Variants in CSTPP1 observed in about 807,000 individuals in gnomAD.
CSTPP1 encodes centriolar satellite-associated tubulin polyglutamylase complex regulator 1.
At chr11:47,085,094 G>T in the CSTPP1 span, among the ~76,000 whole-genome samples, 9 of 151,886 alleles carry the variant, frequency 5.9e-5, no homozygotes, top group Non-Finnish European at 1.2e-4. Context: ...ATCCCAGCTA[G>T]TCGGGAGGCT....
chr11:47,029,949 A>G, the CSTPP1 span, among the ~76,000 whole-genome samples: 20 of 151,760 alleles, frequency 1.3e-4, no homozygotes, highest in South Asian at 3.5e-3. Context: ...AAAAAAAAAA[A>G]AAAGAAAGAA....
the CSTPP1 span, among the ~76,000 whole-genome samples, chr11:47,014,971 A>T: frequency 6.6e-6 from 1 of 152,198 alleles, no homozygotes; most frequent in Admixed American, 6.5e-5. Context: ...CATGAGCCAG[A>T]CTGATCACAA....
chr11:47,126,792 C>A, the CSTPP1 span, among the ~76,000 whole-genome samples: 1 of 151,334 alleles, frequency 6.6e-6, no homozygotes, highest in South Asian at 2.1e-4. Flanking sequence ...ATTAGCCAGG[C>A]GTGGTGGTGT....
At chr11:47,023,042 T>C in the CSTPP1 span, among the ~76,000 whole-genome samples, 1 of 152,276 alleles carries the variant, frequency 6.6e-6, no homozygotes, top group Non-Finnish European at 1.5e-5. Context: ...TAGGTCTGGG[T>C]TGGGGCCTCA....
chr11:46,960,729 G>A, the CSTPP1 span, among the ~76,000 whole-genome samples: 2 of 152,166 alleles, frequency 1.3e-5, no homozygotes, highest in Non-Finnish European at 2.9e-5. Context: ...GCGGGTGCCT[G>A]TAATCTCAGC....
chr11:47,153,449 A>C, the CSTPP1 span, among the ~76,000 whole-genome samples: 1 of 152,146 alleles, frequency 6.6e-6, no homozygotes, highest in Non-Finnish European at 1.5e-5. Flanking sequence ...CTAGGAGGTA[A>C]AATGTTAGTG....
the CSTPP1 span, among the ~76,000 whole-genome samples, chr11:47,022,358 CTTTTTTTTT>C: frequency 4.1e-5 from 2 of 48,754 alleles, no homozygotes; most frequent in African/African-American, 9.5e-5. Context: ...TTCATATGTC[CTTTTTTTTT>C]TTTTTTTTTT....
the CSTPP1 span, chr11:47,155,296 G>C: frequency 1.3e-6 from 2 of 1,560,112 alleles, no homozygotes; most frequent in Non-Finnish European, 1.8e-6. Context: ...GCTCCGCACA[G>C]GACCCTGTCT....
At chr11:47,001,690 C>CT in the CSTPP1 span, among the ~76,000 whole-genome samples, 11 of 151,672 alleles carry the variant, frequency 7.3e-5, no homozygotes, top group African/African-American at 2.7e-4. Flanking sequence ...CAGACAGGTG[C>CT]TTTAAGCCCT....
the CSTPP1 span, among the ~76,000 whole-genome samples, chr11:47,090,692 T>G: frequency 6.6e-6 from 1 of 152,192 alleles, no homozygotes; most frequent in Non-Finnish European, 1.5e-5. Context: ...AATTATAGTA[T>G]TGAGCCCTTT....
chr11:47,115,601 A>AT, the CSTPP1 span, among the ~76,000 whole-genome samples: 1 of 151,894 alleles, frequency 6.6e-6, no homozygotes, highest in East Asian at 1.9e-4. Context: ...ATTTGCGTAA[A>AT]TGTGTTTATA....
the CSTPP1 span, among the ~76,000 whole-genome samples, chr11:47,076,858 G>C: frequency 6.7e-6 from 1 of 150,018 alleles, no homozygotes; most frequent in Non-Finnish European, 1.5e-5. Flanking sequence ...GAACAAGAAA[G>C]AGTTCTTAGA....
At chr11:47,101,176 T>TTG in the CSTPP1 span, among the ~76,000 whole-genome samples, 1 of 90,514 alleles carries the variant, frequency 1.1e-5, no homozygotes, top group Admixed American at 1.2e-4. Context: ...TTTTTTTTTT[T>TTG]TTTTTTTTTT....
chr11:47,101,838 G>A, the CSTPP1 span, among the ~76,000 whole-genome samples: 1 of 152,182 alleles, frequency 6.6e-6, no homozygotes, highest in Non-Finnish European at 1.5e-5. Context: ...CTAGATTAAA[G>A]TAGGAATCAG....
chr11:47,102,277 CA>C, the CSTPP1 span, among the ~76,000 whole-genome samples: 1 of 151,684 alleles, frequency 6.6e-6, no homozygotes, highest in African/African-American at 2.4e-5. Context: ...TAGATAGGCA[CA>C]AAGATGTCTT....
the CSTPP1 span, chr11:46,987,513 A>G: frequency 3.7e-6 from 2 of 536,812 alleles, no homozygotes; most frequent in Admixed American, 3.0e-5. Context: ...TGTCTCATGA[A>G]TAGTTTTGAT....
At chr11:47,147,825 T>C in the CSTPP1 span, among the ~76,000 whole-genome samples, 52,187 of 152,072 alleles carry the variant, frequency 0.34, 9,440 homozygotes, top group East Asian at 0.71. Context: ...CTCACTGAAC[T>C]GACCTCATAG....
chr11:47,130,702 A>G, the CSTPP1 span: 1 of 152,084 alleles, frequency 6.6e-6, no homozygotes, highest in African/African-American at 2.4e-5. Flanking sequence ...ACTGAGAAGT[A>G]TTTACTCAGC....
the CSTPP1 span, among the ~76,000 whole-genome samples, chr11:47,018,043 G>A: frequency 3.1e-4 from 47 of 152,144 alleles, no homozygotes; most frequent in Non-Finnish European, 6.0e-4. Flanking sequence ...GATTCCTCCA[G>A]GTTGTGGCAT....
Sources: allele counts gnomAD v4.1 joint callset (sites outside exome capture counted in the v4.1 genomes callset), GRCh38; gene constraint gnomAD v4.1.1; transcripts MANE v1.5; gene names NCBI Gene and HGNC (gene_info 2026-07-23, HGNC 2026-07-21).